FER: variants seen among roughly 807,000 people sequenced by gnomAD.
The protein encoded by FER is tyrosine-protein kinase Fer.
In FER, 63 loss-of-function variants were observed where a neutral mutation model predicts 111.0. That is an observed-to-expected ratio of 0.57 (90% CI 0.46 to 0.70). FER has a LOEUF of 0.70. FER is among the 30% of genes least tolerant of loss of function. The probability of loss-of-function intolerance (pLI) is 0.00; values close to 1 mark genes in which losing one functional copy is unlikely to be tolerated. For missense variants in FER, 914 were observed against 954.0 expected, an observed-to-expected ratio of 0.96 and a Z score of 0.55; for synonymous variants, 327 against 313.9, an observed-to-expected ratio of 1.04 and a Z score of -0.44.
chr5:109,123,154 C>A (rs1229317445), intron 17 of FER, among the ~76,000 whole-genome samples: 1 of 118,688 alleles, frequency 8.4e-6, no homozygotes, highest in African/African-American at 3.3e-5. Flanking sequence ...TCCTTCCTGT[C>A]TTGTTTTTTT....
At chr5:109,095,017 T>C (rs1297746942) in intron 16 of FER, among the ~76,000 whole-genome samples, 1 of 150,052 alleles carries the variant, frequency 6.7e-6, no homozygotes, top group Non-Finnish European at 1.5e-5. Context: ...AAATGTACTC[T>C]TTTATTTTAC....
intron 13 of FER, among the ~76,000 whole-genome samples, chr5:108,975,705 A>C (rs1561704713): frequency 6.6e-6 from 1 of 152,150 alleles, no homozygotes; most frequent in Non-Finnish European, 1.5e-5. Context: ...GAGATGTAAA[A>C]ATGTAAATTT....
At chr5:109,009,057 T>TC (rs1448526110) in intron 13 of FER, among the ~76,000 whole-genome samples, 1 of 149,824 alleles carries the variant, frequency 6.7e-6, no homozygotes, top group Admixed American at 6.6e-5. Context: ...TTTTTTTTTT[T>TC]TTTTTTTTGA....
chr5:108,975,616 T>A (rs1761232315), intron 13 of FER, among the ~76,000 whole-genome samples: 1 of 152,162 alleles, frequency 6.6e-6, no homozygotes, highest in African/African-American at 2.4e-5. Flanking sequence ...ATCAGATTTG[T>A]ATTTTCTACG....
intron 17 of FER, among the ~76,000 whole-genome samples, chr5:109,161,705 C>T (rs10064897): frequency 0.024 from 3,669 of 151,984 alleles, 64 homozygotes; most frequent in South Asian, 0.071. Context: ...TGAATATACG[C>T]GTATATGTGT....
chr5:108,749,523 T>C (rs1750209259), intron 1 of FER, among the ~76,000 whole-genome samples: 1 of 152,124 alleles, frequency 6.6e-6, no homozygotes, highest in South Asian at 2.1e-4. Context: ...CAACCCCTGG[T>C]ATTCCCCCCA....
intron 11 of FER, among the ~76,000 whole-genome samples, chr5:108,950,332 C>T (rs986119805): frequency 2.6e-5 from 4 of 152,136 alleles, no homozygotes; most frequent in African/African-American, 9.6e-5. Flanking sequence ...CAAACAAATT[C>T]AAATTCTCAA....
chr5:109,141,512 G>A (rs1001551412), intron 17 of FER, among the ~76,000 whole-genome samples: 10 of 152,176 alleles, frequency 6.6e-5, no homozygotes, highest in African/African-American at 2.2e-4. Flanking sequence ...GATAGATGTA[G>A]TAACAAACAA....
At chr5:109,148,440 A>G (rs1033282582) in intron 17 of FER, among the ~76,000 whole-genome samples, 1 of 152,204 alleles carries the variant, frequency 6.6e-6, no homozygotes, top group Non-Finnish European at 1.5e-5. Context: ...AAAAGACAGT[A>G]AAGGAAAGGG....
chr5:108,849,377 T>C (rs941398620), intron 5 of FER, among the ~76,000 whole-genome samples: 1 of 152,162 alleles, frequency 6.6e-6, no homozygotes, highest in African/African-American at 2.4e-5. Flanking sequence ...TTGGTTAGTT[T>C]CTATGACTAT....
chr5:109,040,007 T>C (rs931060334), intron 14 of FER, among the ~76,000 whole-genome samples: 1 of 152,130 alleles, frequency 6.6e-6, no homozygotes, highest in African/African-American at 2.4e-5. Flanking sequence ...GAGTTCTGGA[T>C]GTACTTTTGA....
chr5:108,929,304 T>G (rs1032726073), intron 10 of FER, among the ~76,000 whole-genome samples: 1 of 152,176 alleles, frequency 6.6e-6, no homozygotes, highest in Non-Finnish European at 1.5e-5. Flanking sequence ...AAAAATAGAT[T>G]CCTCTGTTCC....
chr5:108,938,235 C>T (rs747397743), intron 10 of FER, among the ~76,000 whole-genome samples: 1 of 151,454 alleles, frequency 6.6e-6, no homozygotes, highest in Non-Finnish European at 1.5e-5. Context: ...GAGTTATCTG[C>T]CTCATGTTTC....
At chr5:108,800,803 T>C (rs1350133353) in intron 3 of FER, among the ~76,000 whole-genome samples, 2 of 152,208 alleles carry the variant, frequency 1.3e-5, no homozygotes, top group South Asian at 2.1e-4. Context: ...TCCCAGCACT[T>C]TGGGAGGCCG....
chr5:109,196,754 T>G lies in FER; in HGVS notation c.*9179T>G, dbSNP rs897484401. ...ACTTAGATCATTTTTTAATTGTCTT[T>G]TCTTTTCCAATAGACCAGTTACCAC... On this transcript the variant is annotated 3_prime_UTR_variant, in exon 20 of 20. Transcript: ENST00000281092. The G allele has an allele frequency of 9.3e-5, 14 of 150,816 alleles. No homozygotes were observed. The highest frequency in any genetic ancestry group is 3.3e-4 in the Admixed American group (5 of 15,250). The allele number at this position is 150,816 out of a possible 1,614,324, so 9.3% of individuals were successfully genotyped here. A position where few individuals can be genotyped will look rare whatever the true frequency, so the allele number is the denominator to read the frequency against.
intron 9 of FER, 134 bp from the exon 10 acceptor site, chr5:108,897,525 T>C (rs922708610): frequency 1.7e-6 from 1 of 603,496 alleles, no homozygotes; most frequent in African/African-American, 1.9e-5. Flanking sequence ...TAAAATCTGC[T>C]TAGTTTCATA....
chr5:108,895,075 AT>A (rs1192753671), intron 9 of FER, among the ~76,000 whole-genome samples: 1 of 152,196 alleles, frequency 6.6e-6, no homozygotes, highest in Non-Finnish European at 1.5e-5. Flanking sequence ...TTTTAGAATC[AT>A]TTTGGAAGAT....
At chr5:109,129,367 A>T (rs1423538196) in intron 17 of FER, among the ~76,000 whole-genome samples, 1 of 152,118 alleles carries the variant, frequency 6.6e-6, no homozygotes, top group Middle Eastern at 3.4e-3. Context: ...AAAACTTTTC[A>T]TATCTATGTA....
At chr5:108,789,471 T>TA in intron 2 of FER, among the ~76,000 whole-genome samples, 1 of 152,324 alleles carries the variant, frequency 6.6e-6, no homozygotes, top group Non-Finnish European at 1.5e-5. Context: ...ATTTCAGTCC[T>TA]AATTCATATC....
Sources: allele counts gnomAD v4.1 joint callset (sites outside exome capture counted in the v4.1 genomes callset), GRCh38; gene constraint gnomAD v4.1.1; transcripts MANE v1.5; gene names NCBI Gene and HGNC (gene_info 2026-07-23, HGNC 2026-07-21).